ZNF177: variants seen among roughly 807,000 people sequenced by gnomAD.
ZNF177 encodes zinc finger protein 177.
ZNF177 carries 17 observed loss-of-function variants against 19.4 expected under a neutral mutation model. The observed-to-expected ratio is 0.87, with a 90% confidence interval of 0.60 to 1.31. The LOEUF is 1.31. Among genes scored for constraint, ZNF177 ranks in the 40% most tolerant of loss-of-function variants. The probability of loss-of-function intolerance (pLI) is 0.00; values close to 1 mark genes in which losing one functional copy is unlikely to be tolerated. For missense variants in ZNF177, 633 were observed against 561.8 expected (o/e 1.13, Z -1.28); for synonymous variants, 220 against 188.7 (o/e 1.17, Z -1.36).
At chr19:9,379,467 T>C in intron 3 of ZNF177, 60 bp from the exon 6 acceptor site, 1 of 1,564,672 alleles carries the variant, frequency 6.4e-7, no homozygotes, top group Admixed American at 1.9e-5. Flanking sequence ...TGGCAATCAG[T>C]TTTGTGGAAT....
chr19:9,377,793 T>C (rs2068132343), intron 1 of ZNF177, among the ~76,000 whole-genome samples: 2 of 152,188 alleles, frequency 1.3e-5, no homozygotes, highest in Non-Finnish European at 2.9e-5. Flanking sequence ...TATGAGTTAC[T>C]CCTTATTGTT....
chr19:9,381,514 C>T, exon 6 of ZNF177: 1 of 1,614,164 alleles, frequency 6.2e-7, no homozygotes, highest in Non-Finnish European at 8.5e-7. Context: ...TGGAGAGAAG[C>T]CTTATGAGTG....
intron 2 of ZNF177, chr19:9,378,613 T>C: frequency 1.7e-6 from 1 of 589,158 alleles, no homozygotes; most frequent in East Asian, 3.1e-5. Flanking sequence ...AGGAAAATTA[T>C]TTATCATTTC....
exon 6 of ZNF177, chr19:9,381,468 T>A: frequency 1.9e-6 from 3 of 1,611,542 alleles, no homozygotes; most frequent in Non-Finnish European, 2.5e-6. Context: ...CCTTCATCGA[T>A]CAGTCATCCC....
At chr19:9,372,858 T>C (rs1244950737), upstream of ZNF177, among the ~76,000 whole-genome samples, 1 of 152,174 alleles carries the variant, frequency 6.6e-6, no homozygotes. Context: ...GTTTTGTTTT[T>C]CTGAAGCATG....
intron 2 of ZNF177, 134 bp downstream of exon 4, chr19:9,378,478 G>T: frequency 7.4e-7 from 1 of 1,355,432 alleles, no homozygotes; most frequent in Non-Finnish European, 1.0e-6. Flanking sequence ...GCTGCTTCAT[G>T]TGGAAGAGGG....
At chr19:9,378,454 T>G (rs2068142820) in intron 2 of ZNF177, 110 bp downstream of exon 4, 1 of 1,524,202 alleles carries the variant, frequency 6.6e-7, no homozygotes, top group East Asian at 2.4e-5. Context: ...GGCTTCATCT[T>G]CCGCAGCTCC....
intron 5 of ZNF177, among the ~76,000 whole-genome samples, chr19:9,380,429 A>C (rs1347753672): frequency 6.6e-6 from 1 of 152,248 alleles, no homozygotes; most frequent in East Asian, 1.9e-4. Flanking sequence ...TCAGTATTAG[A>C]AAAACTGTAT....
chr19:9,380,760 G>A lies in ZNF177; in HGVS notation c.429G>A (p.Lys143=), dbSNP rs1377909238. ...GCTTTATTTGTACAAGATATTGCAA[G>A]GGAGAGAAATGCTATAAATATATAA... Residue 143 remains lysine (K), a synonymous_variant, in exon 6 of 6, where the codon AAG becomes AAA. Transcript: ENST00000589262. 7 of 1,536,076 alleles carry A rather than the reference G, an allele frequency of 4.6e-6. No homozygotes were observed. In the South Asian group the frequency reaches 7.1e-5, roughly 16 times the overall value.
exon 6 of ZNF177, chr19:9,381,994 A>G: frequency 1.5e-6 from 1 of 652,690 alleles, no homozygotes; most frequent in Non-Finnish European, 2.4e-6. Flanking sequence ...GATCCTATGA[A>G]TATTTTAGTT....
At chr19:9,367,759 A>G (rs961570689) in intron 2 of ZNF177, among the ~76,000 whole-genome samples, 1 of 152,202 alleles carries the variant, frequency 6.6e-6, no homozygotes, top group Non-Finnish European at 1.5e-5. Flanking sequence ...TTTAAAAGTG[A>G]CCATATTTTT....
chr19:9,378,997 T>C (rs1196547434), exon 3 of ZNF177: 7 of 1,610,014 alleles, frequency 4.3e-6, no homozygotes, highest in Non-Finnish European at 5.9e-6. Flanking sequence ...CAGTGGACTT[T>C]TCCCAGGAGG....
intron 2 of ZNF177, among the ~76,000 whole-genome samples, chr19:9,366,252 A>C (rs1052328131): frequency 1.3e-5 from 2 of 151,862 alleles, no homozygotes; most frequent in Non-Finnish European, 2.9e-5. Context: ...AAGTGCTGGG[A>C]CTACAGGCGT....
upstream of ZNF177, among the ~76,000 whole-genome samples, chr19:9,371,959 A>G (rs1046707299): frequency 7.9e-5 from 12 of 152,216 alleles, no homozygotes; most frequent in African/African-American, 2.7e-4. Context: ...TATATATTTT[A>G]AAATATATCT....
intron 2 of ZNF177, among the ~76,000 whole-genome samples, chr19:9,369,756 C>G (rs2068024490): frequency 6.6e-6 from 1 of 151,944 alleles, no homozygotes; most frequent in African/African-American, 2.4e-5. Flanking sequence ...GTTAAACTCA[C>G]TATGTCCATC....
At chr19:9,381,721 A>C (rs777400177) in exon 6 of ZNF177, 12 of 1,613,522 alleles carry the variant, frequency 7.4e-6, no homozygotes, top group Admixed American at 1.7e-5. Flanking sequence ...CTTTAGCACA[A>C]GCACTAACCT....
Position 9,381,133 on chromosome 19 carries a change from C to T in ZNF177, c.802C>T (p.Pro268Ser), listed in dbSNP as rs758925650. The T allele has an allele frequency of 4.3e-6, 7 of 1,614,044 alleles. No individual in the cohort carries two copies. In the South Asian group the frequency reaches 6.6e-5, roughly 15 times the overall value. Residue 268 changes from proline (P) to serine (S), a missense_variant, in exon 6 of 6, where the codon CCT becomes TCT. Physicochemically the swap from Pro to Ser is moderately conservative, Grantham distance 74 (BLOSUM62 -1). Coordinates refer to ENST00000589262, the Ensembl canonical transcript of ZNF177. ...TGAACATGAGAAAACTTTCACTGAC[C>T]CTTTGTCCCTTCAGAACTGTGTCAG...
upstream of ZNF177, among the ~76,000 whole-genome samples, chr19:9,376,084 CT>C (rs2122535994): frequency 6.6e-6 from 1 of 152,230 alleles, no homozygotes; most frequent in South Asian, 2.1e-4. Context: ...TACCTTAGGT[CT>C]TTCTTTTTTA....
chr19:9,378,310 G>T, exon 2 of ZNF177: 1 of 1,613,676 alleles, frequency 6.2e-7, no homozygotes, highest in Non-Finnish European at 8.5e-7. Flanking sequence ...ACAGGAGGAA[G>T]AATGGCTGCA....
Sources: allele counts gnomAD v4.1 joint callset (sites outside exome capture counted in the v4.1 genomes callset), GRCh38; gene constraint gnomAD v4.1.1; transcripts MANE v1.5; gene names NCBI Gene and HGNC (gene_info 2026-07-23, HGNC 2026-07-21).